Variants in WDFY1 observed in about 807,000 individuals in gnomAD.
WDFY1 encodes WD repeat and FYVE domain-containing protein 1.
In WDFY1, 32 loss-of-function variants were observed where a neutral mutation model predicts 56.4. The observed-to-expected ratio is 0.57, with a 90% CI of 0.43 to 0.76. The LOEUF is 0.76. Among genes scored for constraint, WDFY1 ranks in the 30% least tolerant of loss-of-function variants. The probability of loss-of-function intolerance (pLI) is 0.00; values close to 1 mark genes in which losing one functional copy is unlikely to be tolerated. For synonymous variants in WDFY1, 192 were observed against 197.3 expected (o/e 0.97, Z 0.23); for missense variants, 480 against 545.7 (o/e 0.88, Z 1.20).
rs150787097 is a variant in WDFY1, at chr2:223,925,588, T to G, written c.138-7578A>C. ...TTCTTAAAATAAGACAACCAAGAAGTTTGTTGCATCGATTGACTCTTCCTT... is the reference window on the plus strand; with the variant it reads ...TTCTTAAAATAAGACAACCAAGAAGGTTGTTGCATCGATTGACTCTTCCTT... On this transcript the variant is annotated intron_variant, in intron 1 of 11. Transcript: ENST00000233055. Among the ~76,000 whole-genome samples the G allele has an allele frequency of 5.3e-5, 8 of 152,284 alleles. No homozygotes were observed. The East Asian group carries it at 1.5e-3, about 29-fold the overall frequency.
intron 8 of WDFY1, among the ~76,000 whole-genome samples, chr2:223,886,691 C>T (rs1457595297): frequency 1.4e-5 from 2 of 139,130 alleles, no homozygotes; most frequent in African/African-American, 2.8e-5. Flanking sequence ...GATTGCACCA[C>T]GGCACTCCAG....
intron 8 of WDFY1, among the ~76,000 whole-genome samples, chr2:223,890,028 C>G (rs1693241645): frequency 6.6e-6 from 1 of 152,216 alleles, no homozygotes; most frequent in Non-Finnish European, 1.5e-5. Context: ...CTGCCTCTCT[C>G]TGTGTATCCC....
In WDFY1 at chr2:223,903,023, C is replaced by T. The variant is rs1310182398; in HGVS notation, c.335-1690G>A. Among the ~76,000 whole-genome samples the T allele has an allele frequency of 4.6e-5, 7 of 152,160 alleles. No homozygotes were observed. The East Asian group carries it at 1.3e-3, about 29-fold the overall frequency. ...CTGCTGTTTGGTTTTTTCTGATATC[C>T]TTTCTTTTATGAAAGTATGGTGAGA... On this transcript the variant is annotated intron_variant, in intron 4 of 11. Coordinates refer to ENST00000233055, the MANE Select transcript of WDFY1 (RefSeq NM_020830.5).
intron 1 of WDFY1, among the ~76,000 whole-genome samples, chr2:223,934,693 G>A (rs139448260): frequency 0.015 from 2,296 of 151,854 alleles, 62 homozygotes; most frequent in African/African-American, 0.05. Flanking sequence ...GCTAATCTTT[G>A]TATTTTTAGT....
intron 1 of WDFY1, among the ~76,000 whole-genome samples, chr2:223,944,692 G>A (rs1225869944): frequency 5.5e-5 from 8 of 146,278 alleles, no homozygotes; most frequent in Admixed American, 4.8e-4. Context: ...CGGGATGGAC[G>A]GGCGCAGTGG....
At chr2:223,908,778 A>G (rs1438752403) in intron 3 of WDFY1, among the ~76,000 whole-genome samples, 1 of 152,156 alleles carries the variant, frequency 6.6e-6, no homozygotes, top group East Asian at 1.9e-4. Context: ...AACTGAACTC[A>G]TCACCTTTCC....
At chr2:223,897,565 G>A (rs1693418829) in intron 6 of WDFY1, among the ~76,000 whole-genome samples, 1 of 151,608 alleles carries the variant, frequency 6.6e-6, no homozygotes, top group South Asian at 2.1e-4. Flanking sequence ...ATTTTTAGTA[G>A]AGATGGGGTT....
intron 1 of WDFY1, among the ~76,000 whole-genome samples, chr2:223,922,670 G>A (rs138895084): frequency 6.1e-4 from 93 of 152,300 alleles, no homozygotes; most frequent in African/African-American, 2.1e-3. Flanking sequence ...GGTCATGAAT[G>A]TGTAGGTGGC....
Position 223,884,697 on chromosome 2 carries a change from A to C in WDFY1, c.884T>G (p.Phe295Cys). The change falls in exon 9 of 12, where the codon TTC becomes TGC. Residue 295 changes from phenylalanine (F) to cysteine (C), a missense_variant. Coordinates refer to ENST00000233055, the MANE Select transcript of WDFY1 (RefSeq NM_020830.5). The part of the protein sequence containing the change: ...DSCQKCEQPF[F>C]WNIKQMWDTK... Reference sequence around the variant, plus strand: ...GTCCCACATCTGCTTTATGTTCCAGAAAAATGGCTGCTCACATTTCTGACA... The same window carrying C: ...GTCCCACATCTGCTTTATGTTCCAGCAAAATGGCTGCTCACATTTCTGACA... The C allele has an allele frequency of 6.2e-7, 1 of 1,614,122 alleles. No individual in the cohort carries two copies. Among genetic ancestry groups the C allele is most frequent in the South Asian group, 1.1e-5 (1 of 91,086 alleles).
chr2:223,884,843 T>C, intron 8 of WDFY1, 94 bp from the exon 9 acceptor site: 1 of 1,172,514 alleles, frequency 8.5e-7, no homozygotes, highest in South Asian at 1.4e-5. Context: ...TTGCCAAGGT[T>C]AGTATTTCTT....
In WDFY1 at chr2:223,885,727, A is replaced by C. The variant is rs146724205; in HGVS notation, c.832-978T>G. Reference sequence around the variant, plus strand: ...ACCACTTGGAAAGGCTTGCGGGGTCACAGGTGACTAACAGAAGAGATCTGA... The same window carrying C: ...ACCACTTGGAAAGGCTTGCGGGGTCCCAGGTGACTAACAGAAGAGATCTGA... On this transcript the variant is annotated intron_variant, in intron 8 of 11. Coordinates refer to ENST00000233055, the MANE Select transcript of WDFY1 (RefSeq NM_020830.5). Among the ~76,000 whole-genome samples, 177 of 152,348 alleles carry C rather than the reference A, an allele frequency of 1.2e-3. 3 individuals are homozygous for C. The East Asian group carries it at 0.025, about 21-fold the overall frequency.
chr2:223,901,547 C>G (rs1574766110), intron 4 of WDFY1, among the ~76,000 whole-genome samples: 1 of 152,170 alleles, frequency 6.6e-6, no homozygotes, highest in Non-Finnish European at 1.5e-5. Flanking sequence ...CCCTCTGCTC[C>G]CCACAGGCAT....
chr2:223,942,599 A>C (rs1689327459), intron 1 of WDFY1, among the ~76,000 whole-genome samples: 1 of 116,784 alleles, frequency 8.6e-6, no homozygotes, highest in Non-Finnish European at 1.7e-5. Flanking sequence ...GCAGTGGCGC[A>C]ATCTCGGCTC....
intron 1 of WDFY1, among the ~76,000 whole-genome samples, chr2:223,939,290 T>A (rs1293971011): frequency 6.6e-6 from 1 of 152,150 alleles, no homozygotes; most frequent in African/African-American, 2.4e-5. Context: ...GGAACCAGTG[T>A]TCTAGAGAGG....
Position 223,912,244 on chromosome 2 carries a change from G to C in WDFY1, c.279+9C>G, listed in dbSNP as rs984081453. 1.9e-6 allele frequency: 3 copies of C among 1,604,050 alleles called. No homozygotes were observed. The highest frequency in any genetic ancestry group is 2.5e-6 in the Non-Finnish European group (3 of 1,177,166). The stretch of plus-strand genomic sequence containing the variant: ...AGAATACAATAAATACATTCTAAAA[G>C]CTACCTACCATTACAGCTCCATTAT... On this transcript the variant is annotated intron_variant, in intron 3 of 11. Coordinates refer to ENST00000233055, the MANE Select transcript of WDFY1 (RefSeq NM_020830.5).
At position 223,929,193 on chromosome 2, in the gene WDFY1, T is replaced by TTTG. The variant is rs201000256; in HGVS notation, c.138-11184_138-11183insCAA. The stretch of plus-strand genomic sequence containing the variant: ...TTTTTTTTCTTTCTGTTTTTTGTTT[T>TTTG]TTTTTTTTTTTGAGACAGAGTTTTG... On this transcript the variant is annotated intron_variant, in intron 1 of 11. Transcript: ENST00000233055. 8.7e-4 allele frequency among the ~76,000 whole-genome samples: 119 copies of TTTG among 136,382 alleles called. 2 individuals carry two copies. The highest frequency in any genetic ancestry group is 3.9e-3 in the African/African-American group (113 of 29,304). 89.5% of individuals were successfully genotyped at this position (136,382 alleles called of 152,430 possible).
chr2:223,937,841 C>G (rs534458287), intron 1 of WDFY1, among the ~76,000 whole-genome samples: 49 of 152,306 alleles, frequency 3.2e-4, no homozygotes, highest in Non-Finnish European at 6.0e-4. Flanking sequence ...CAGCAGTTAA[C>G]ATCCTGGTTT....
intron 6 of WDFY1, among the ~76,000 whole-genome samples, chr2:223,897,375 TATATATATATATA>T (rs1693404801): frequency 1.0e-4 from 2 of 19,302 alleles, no homozygotes; most frequent in African/African-American, 1.9e-4. Flanking sequence ...TATATATATA[TATATATATATATA>T]TATTTTTTAA....
At chr2:223,879,139 G>A (rs1262866259) in intron 11 of WDFY1, among the ~76,000 whole-genome samples, 1 of 152,140 alleles carries the variant, frequency 6.6e-6, no homozygotes, top group Non-Finnish European at 1.5e-5. Context: ...CTGAACCGAG[G>A]TCACACCACT....
Sources: allele counts gnomAD v4.1 joint callset (sites outside exome capture counted in the v4.1 genomes callset), GRCh38; gene constraint gnomAD v4.1.1; transcripts MANE v1.5; gene names NCBI Gene and HGNC (gene_info 2026-07-23, HGNC 2026-07-21).